PDCL2: variants seen among roughly 807,000 people sequenced by gnomAD.
The protein encoded by PDCL2 is phosducin like 2.
In PDCL2, 23 loss-of-function variants were observed where a neutral mutation model predicts 30.3. The observed-to-expected ratio is 0.76, with a 90% confidence interval of 0.55 to 1.08. The LOEUF (loss-of-function observed/expected upper bound fraction) is 1.08. Ranked by LOEUF, PDCL2 falls within the 50% of genes least tolerant of loss-of-function variation. The pLI is 0.00. For missense variants in PDCL2, 243 were observed against 282.3 expected, an observed-to-expected ratio of 0.86 and a Z score of 1.00; for synonymous variants, 68 against 86.2, an observed-to-expected ratio of 0.79 and a Z score of 1.17.
At chr4:55,590,864 C>A (rs1278736857) in intron 1 of PDCL2, among the ~76,000 whole-genome samples, 4 of 152,108 alleles carry the variant, frequency 2.6e-5, no homozygotes, top group African/African-American at 9.7e-5. Flanking sequence ...TTTACCATGC[C>A]ATTAATAGTT....
intron 3 of PDCL2, among the ~76,000 whole-genome samples, chr4:55,579,807 G>C (rs1469898870): frequency 6.6e-6 from 1 of 151,694 alleles, no homozygotes; most frequent in Non-Finnish European, 1.5e-5. Context: ...TGAGATTACA[G>C]GCATGAGCCA....
chr4:55,587,216 TAAAAAAAAAAAA>T (rs869107656), intron 1 of PDCL2, among the ~76,000 whole-genome samples: 15 of 62,820 alleles, frequency 2.4e-4, no homozygotes, highest in Non-Finnish European at 3.7e-4. Context: ...GACAGAATAG[TAAAAAAAAAAAA>T]AAAAAAAAAA....
At chr4:55,590,590 G>A (rs560743730) in intron 1 of PDCL2, among the ~76,000 whole-genome samples, 19 of 151,838 alleles carry the variant, frequency 1.3e-4, no homozygotes, top group Non-Finnish European at 1.5e-4. Context: ...GGGTTCAAGC[G>A]ATTCTCCTGT....
At chr4:55,591,471 C>T (rs1045721977) in intron 1 of PDCL2, among the ~76,000 whole-genome samples, 1 of 152,184 alleles carries the variant, frequency 6.6e-6, no homozygotes, top group Non-Finnish European at 1.5e-5. Context: ...TCACTGAAAC[C>T]TCTGCCTCTG....
At chr4:55,562,139 T>C (rs1002357444) in intron 5 of PDCL2, among the ~76,000 whole-genome samples, 13 of 152,150 alleles carry the variant, frequency 8.5e-5, no homozygotes, top group African/African-American at 2.7e-4. Context: ...TAGCAAGCAC[T>C]GAGAAATATA....
At chr4:55,587,041 T>C (rs1732879640) in intron 1 of PDCL2, among the ~76,000 whole-genome samples, 1 of 149,912 alleles carries the variant, frequency 6.7e-6, no homozygotes. Context: ...GGGTAAATTA[T>C]AAAGAACAGA....
At chr4:55,577,277 C>T (rs1318544343) in intron 3 of PDCL2, among the ~76,000 whole-genome samples, 4 of 152,190 alleles carry the variant, frequency 2.6e-5, no homozygotes, top group African/African-American at 9.7e-5. Context: ...TAAGGCTCCA[C>T]CTCTTAATGC....
At chr4:55,591,121 C>G (rs1732987057) in intron 1 of PDCL2, among the ~76,000 whole-genome samples, 1 of 151,940 alleles carries the variant, frequency 6.6e-6, no homozygotes, top group African/African-American at 2.4e-5. Context: ...AAAGGACTGG[C>G]CATAAAAAAT....
In PDCL2 at chr4:55,562,491, G is replaced by A. The variant is rs748555728; in HGVS notation, c.484C>T (p.Pro162Ser). 4 of 1,563,878 alleles carry A rather than the reference G, an allele frequency of 2.6e-6. No homozygotes were observed. The highest frequency in any genetic ancestry group is 3.4e-4 in the Middle Eastern group (2 of 5,930). Reference sequence around the variant, plus strand: ...CCATTTTTATACACAAAAATTGTTGGTAAACAATTGTCATGGTAGTGTTGA... The same window carrying A: ...CCATTTTTATACACAAAAATTGTTGATAAACAATTGTCATGGTAGTGTTGA... ...CIQHYHDNCL[P>S]TIFVYKNGQI... Residue 162 changes from proline to serine, a missense_variant, in exon 5 of 6, where the codon CCA (proline) becomes TCA (serine). Transcript: ENST00000295645.
At chr4:55,562,316 T>A (rs1218053739) in intron 5 of PDCL2, 88 bp downstream of exon 5, 1 of 848,882 alleles carries the variant, frequency 1.2e-6, no homozygotes, top group Non-Finnish European at 1.7e-6. Context: ...GAAAAAACCT[T>A]GGTACTAAGG....
intron 1 of PDCL2, among the ~76,000 whole-genome samples, chr4:55,586,572 A>G (rs1408546210): frequency 6.6e-6 from 1 of 152,210 alleles, no homozygotes; most frequent in Non-Finnish European, 1.5e-5. Context: ...TTGTTTATTC[A>G]TCCATCAATG....
intron 3 of PDCL2, among the ~76,000 whole-genome samples, chr4:55,575,139 G>A (rs1322565335): frequency 6.6e-6 from 1 of 152,188 alleles, no homozygotes; most frequent in African/African-American, 2.4e-5. Context: ...TGTCAGAATT[G>A]AAATGAATTG....
At chr4:55,581,889 A>G (rs535355727) in intron 2 of PDCL2, among the ~76,000 whole-genome samples, 429 of 152,212 alleles carry the variant, frequency 2.8e-3, no homozygotes, top group Non-Finnish European at 5.2e-3. Flanking sequence ...TTGTATTTTT[A>G]GTAGAGATGG....
At chr4:55,581,249 C>T (rs1256691731) in intron 2 of PDCL2, among the ~76,000 whole-genome samples, 2 of 151,924 alleles carry the variant, frequency 1.3e-5, no homozygotes, top group Non-Finnish European at 1.5e-5. Flanking sequence ...GAGCTGAGAT[C>T]GCACCACTGC....
chr4:55,578,107 T>C (rs532031896), intron 3 of PDCL2, among the ~76,000 whole-genome samples: 193 of 152,282 alleles, frequency 1.3e-3, no homozygotes, highest in African/African-American at 4.5e-3. Context: ...TGCACTGGCT[T>C]TCTATATTTT....
At chr4:55,563,568 A>G (rs1290747615) in intron 4 of PDCL2, among the ~76,000 whole-genome samples, 1 of 152,204 alleles carries the variant, frequency 6.6e-6, no homozygotes, top group Non-Finnish European at 1.5e-5. Context: ...CCTCCAAAGG[A>G]AGGTTCACTG....
At chr4:55,589,914 C>T (rs1732954403) in intron 1 of PDCL2, among the ~76,000 whole-genome samples, 1 of 151,794 alleles carries the variant, frequency 6.6e-6, no homozygotes. Flanking sequence ...TAAGCTTTGG[C>T]AGCCAGGCGC....
intron 3 of PDCL2, among the ~76,000 whole-genome samples, chr4:55,575,428 A>G (rs1732540715): frequency 6.6e-6 from 1 of 152,196 alleles, no homozygotes; most frequent in Non-Finnish European, 1.5e-5. Flanking sequence ...GGGATGATAT[A>G]AAGCAGACCA....
intron 4 of PDCL2, among the ~76,000 whole-genome samples, chr4:55,564,553 A>G (rs1732212848): frequency 1.3e-5 from 2 of 152,208 alleles, no homozygotes; most frequent in South Asian, 4.1e-4. Context: ...GAATTGGGGT[A>G]CAGGCATAGA....
Sources: allele counts gnomAD v4.1 joint callset (sites outside exome capture counted in the v4.1 genomes callset), GRCh38; gene constraint gnomAD v4.1.1; transcripts MANE v1.5; gene names NCBI Gene and HGNC (gene_info 2026-07-23, HGNC 2026-07-21).